Variants in PARD3 observed in about 807,000 individuals in gnomAD.
The protein encoded by PARD3 is par-3 family cell polarity regulator.
A neutral mutation model predicts 155.4 loss-of-function variants in PARD3; 75 were observed. That is an observed-to-expected ratio of 0.48 (90% CI 0.40 to 0.58). The LOEUF (loss-of-function observed/expected upper bound fraction) is 0.58, where lower values mean the gene tolerates loss of function less well. Among genes scored for constraint, PARD3 ranks in the 20% least tolerant of loss-of-function variants. PARD3 has a pLI of 0.00. For synonymous variants in PARD3, 576 were observed against 610.5 expected, an observed-to-expected ratio of 0.94 and a Z score of 0.83; for missense variants, 1,642 against 1,721.7, an observed-to-expected ratio of 0.95 and a Z score of 0.82.
intron 22 of PARD3, among the ~76,000 whole-genome samples, chr10:34,209,628 T>A (rs2133388647): frequency 6.6e-6 from 1 of 152,308 alleles, no homozygotes; most frequent in East Asian, 1.9e-4. Flanking sequence ...GTTCAAATCT[T>A]GGTTCCCACC....
chr10:34,126,951 T>C (rs1183917675), intron 23 of PARD3, among the ~76,000 whole-genome samples: 1 of 152,146 alleles, frequency 6.6e-6, no homozygotes, highest in Non-Finnish European at 1.5e-5. Flanking sequence ...ACAAGCCAAG[T>C]TGTCTGTCTG....
At chr10:34,811,485 T>C (rs1425796533) in intron 1 of PARD3, among the ~76,000 whole-genome samples, 2 of 152,034 alleles carry the variant, frequency 1.3e-5, no homozygotes, top group African/African-American at 4.8e-5. Context: ...CTGCCCTATA[T>C]CAAGGTCAGC....
At chr10:34,544,903 A>G (rs940058520) in intron 2 of PARD3, among the ~76,000 whole-genome samples, 3 of 152,202 alleles carry the variant, frequency 2.0e-5, no homozygotes, top group Non-Finnish European at 4.4e-5. Flanking sequence ...GAGACACTAA[A>G]AGGTAATATA....
intron 2 of PARD3, among the ~76,000 whole-genome samples, chr10:34,672,711 T>C (rs535733679): frequency 1.3e-5 from 2 of 152,356 alleles, no homozygotes; most frequent in African/African-American, 2.4e-5. Flanking sequence ...ATGCTCCTTG[T>C]AGAAGAACTG....
At chr10:34,784,980 C>G (rs1365750014) in intron 1 of PARD3, among the ~76,000 whole-genome samples, 1 of 152,158 alleles carries the variant, frequency 6.6e-6, no homozygotes, top group African/African-American at 2.4e-5. Flanking sequence ...TAAGTTTCCT[C>G]CCTGCCTTAG....
intron 7 of PARD3, among the ~76,000 whole-genome samples, chr10:34,392,820 C>T (rs1424680969): frequency 1.3e-5 from 2 of 151,834 alleles, no homozygotes; most frequent in Admixed American, 6.6e-5. Flanking sequence ...CTCTTGTCCC[C>T]CAAAGATATG....
intron 3 of PARD3, among the ~76,000 whole-genome samples, chr10:34,484,298 A>G (rs2079291176): frequency 6.6e-6 from 1 of 152,250 alleles, no homozygotes; most frequent in Non-Finnish European, 1.5e-5. Flanking sequence ...AAATTTTAGC[A>G]AACAGCTAAA....
At chr10:34,415,432 CTGAA>C (rs1156720305) in intron 5 of PARD3, among the ~76,000 whole-genome samples, 12 of 152,268 alleles carry the variant, frequency 7.9e-5, no homozygotes, top group Admixed American at 7.2e-4. Context: ...TATCAACACT[CTGAA>C]TGATACTCAT....
intron 2 of PARD3, among the ~76,000 whole-genome samples, chr10:34,661,495 G>A (rs914657831): frequency 2.0e-5 from 3 of 152,144 alleles, no homozygotes; most frequent in Non-Finnish European, 2.9e-5. Flanking sequence ...GGCCTGATGG[G>A]TTAATCAATA....
chr10:34,541,108 T>C (rs2083580876), intron 2 of PARD3, among the ~76,000 whole-genome samples: 2 of 152,072 alleles, frequency 1.3e-5, no homozygotes, highest in African/African-American at 4.8e-5. Flanking sequence ...ATATAGAAAA[T>C]TGTGACTGAT....
At chr10:34,540,217 C>T (rs551601329) in intron 2 of PARD3, among the ~76,000 whole-genome samples, 1 of 152,236 alleles carries the variant, frequency 6.6e-6, no homozygotes, top group East Asian at 1.9e-4. Flanking sequence ...GATTGCTCTG[C>T]TGCATCCCCA....
chr10:34,325,273 G>A (rs564395443), intron 19 of PARD3, among the ~76,000 whole-genome samples: 7 of 152,244 alleles, frequency 4.6e-5, no homozygotes, highest in Admixed American at 1.3e-4. Context: ...GCCACCCAAA[G>A]TGCTGGGATG....
At chr10:34,810,915 C>T (rs1256163693) in intron 1 of PARD3, among the ~76,000 whole-genome samples, 8 of 152,078 alleles carry the variant, frequency 5.3e-5, no homozygotes, top group Non-Finnish European at 1.2e-4. Flanking sequence ...AAACCTAAGT[C>T]ACCAAACCCA....
intron 7 of PARD3, among the ~76,000 whole-genome samples, chr10:34,396,153 C>A (rs897717294): frequency 6.6e-6 from 1 of 152,130 alleles, no homozygotes; most frequent in Non-Finnish European, 1.5e-5. Context: ...TGTTCCAGAT[C>A]AACCTGGCCA....
At chr10:34,738,124 G>A (rs986404166) in intron 1 of PARD3, among the ~76,000 whole-genome samples, 13 of 152,040 alleles carry the variant, frequency 8.6e-5, no homozygotes, top group South Asian at 4.2e-4. Context: ...TTTAACCTAC[G>A]AAGAAATACA....
At chr10:34,480,405 A>T (rs182469860) in intron 3 of PARD3, among the ~76,000 whole-genome samples, 1 of 152,026 alleles carries the variant, frequency 6.6e-6, no homozygotes, top group Non-Finnish European at 1.5e-5. Context: ...CGGTTAATTA[A>T]TTTTTTATTT....
intron 2 of PARD3, among the ~76,000 whole-genome samples, chr10:34,585,387 T>C (rs1032423020): frequency 6.6e-6 from 1 of 152,314 alleles, no homozygotes; most frequent in Middle Eastern, 3.4e-3. Context: ...TGTTTACACA[T>C]TCTTGTTAAT....
At chr10:34,620,588 A>G (rs927813967) in intron 2 of PARD3, among the ~76,000 whole-genome samples, 1 of 152,236 alleles carries the variant, frequency 6.6e-6, no homozygotes, top group African/African-American at 2.4e-5. Flanking sequence ...GGGATGGAGC[A>G]TTACATCAAC....
At chr10:34,748,239 G>T (rs984181290) in intron 1 of PARD3, among the ~76,000 whole-genome samples, 2 of 152,168 alleles carry the variant, frequency 1.3e-5, no homozygotes, top group African/African-American at 4.8e-5. Flanking sequence ...GGAGGGTGAG[G>T]CAGGCAGATC....
Sources: allele counts gnomAD v4.1 joint callset (sites outside exome capture counted in the v4.1 genomes callset), GRCh38; gene constraint gnomAD v4.1.1; transcripts MANE v1.5; gene names NCBI Gene and HGNC (gene_info 2026-07-23, HGNC 2026-07-21).